SDCCAG8: variants seen among roughly 807,000 people sequenced by gnomAD.
The protein encoded by SDCCAG8 is SHH signaling and ciliogenesis regulator SDCCAG8, also known as serologically defined colon cancer antigen 8.
Under a neutral mutation model 101.8 loss-of-function variants are expected in SDCCAG8, and 74 were observed. The observed-to-expected ratio is 0.73, with a 90% confidence interval of 0.60 to 0.88. The LOEUF is 0.88. Ranked by LOEUF, SDCCAG8 falls within the 40% of genes least tolerant of loss-of-function variation. The pLI, the probability that SDCCAG8 is intolerant of heterozygous loss-of-function variation, is 0.00. For missense variants in SDCCAG8, 787 were observed against 822.6 expected, an observed-to-expected ratio of 0.96 and a Z score of 0.53; for synonymous variants, 281 against 292.9, an observed-to-expected ratio of 0.96 and a Z score of 0.41.
chr1:243,335,896 TTTTCTG>T (rs1391960995), intron 10 of SDCCAG8, among the ~76,000 whole-genome samples: 1 of 152,220 alleles, frequency 6.6e-6, no homozygotes, highest in African/African-American at 2.4e-5. Flanking sequence ...CAGTATTGGA[TTTTCTG>T]TTCCTGCGTT....
intron 9 of SDCCAG8, among the ~76,000 whole-genome samples, chr1:243,323,975 G>A (rs1463592996): frequency 6.6e-6 from 1 of 151,978 alleles, no homozygotes; most frequent in Non-Finnish European, 1.5e-5. Context: ...AAGTGTGGAC[G>A]TTCCTCAGAG....
At chr1:243,384,918 C>G (rs1259895739) in intron 13 of SDCCAG8, among the ~76,000 whole-genome samples, 1 of 152,196 alleles carries the variant, frequency 6.6e-6, no homozygotes, top group Admixed American at 6.5e-5. Flanking sequence ...ACAACTTCTT[C>G]TTTTTCCATA....
intron 12 of SDCCAG8, among the ~76,000 whole-genome samples, chr1:243,361,784 T>A (rs978491493): frequency 6.6e-6 from 1 of 152,240 alleles, no homozygotes; most frequent in African/African-American, 2.4e-5. Flanking sequence ...GTATACTCTG[T>A]TATTCTCTCA....
intron 4 of SDCCAG8, among the ~76,000 whole-genome samples, chr1:243,276,819 C>G (rs2068612586): frequency 1.3e-5 from 2 of 152,136 alleles, no homozygotes; most frequent in South Asian, 4.1e-4. Flanking sequence ...CCCCTTCCCT[C>G]CCATCCCCTG....
intron 13 of SDCCAG8, among the ~76,000 whole-genome samples, chr1:243,415,259 A>G (rs1030573384): frequency 3.3e-5 from 5 of 152,162 alleles, no homozygotes; most frequent in African/African-American, 1.2e-4. Flanking sequence ...CATTATATTT[A>G]AGATTCCATT....
intron 13 of SDCCAG8, among the ~76,000 whole-genome samples, chr1:243,403,659 G>T (rs537562551): frequency 2.0e-5 from 3 of 152,094 alleles, no homozygotes; most frequent in Non-Finnish European, 4.4e-5. Flanking sequence ...TTCCCATGGG[G>T]CGCTAACCGT....
At chr1:243,489,923 T>C (rs527391497) in intron 17 of SDCCAG8, among the ~76,000 whole-genome samples, 1 of 152,224 alleles carries the variant, frequency 6.6e-6, no homozygotes, top group Non-Finnish European at 1.5e-5. Context: ...CTAAATCGCT[T>C]CTCTTCCTGT....
At chr1:243,281,932 C>G (rs1351088750) in intron 4 of SDCCAG8, among the ~76,000 whole-genome samples, 1 of 152,136 alleles carries the variant, frequency 6.6e-6, no homozygotes, top group Non-Finnish European at 1.5e-5. Flanking sequence ...GAGGTGTGAG[C>G]CACTGCACCT....
chr1:243,411,190 T>C (rs2080148587), intron 13 of SDCCAG8, among the ~76,000 whole-genome samples: 1 of 152,192 alleles, frequency 6.6e-6, no homozygotes, highest in African/African-American at 2.4e-5. Context: ...TATGGCTCAC[T>C]GTAGCCTCAA....
At chr1:243,411,669 C>T (rs1383930577) in intron 13 of SDCCAG8, among the ~76,000 whole-genome samples, 1 of 152,124 alleles carries the variant, frequency 6.6e-6, no homozygotes, top group Non-Finnish European at 1.5e-5. Context: ...CTTGAATGGC[C>T]TGTGAATGAC....
chr1:243,365,165 T>C (rs774341548), intron 12 of SDCCAG8, among the ~76,000 whole-genome samples: 3 of 152,130 alleles, frequency 2.0e-5, no homozygotes, highest in Non-Finnish European at 4.4e-5. Context: ...AGCGAGTGGT[T>C]TAACTTCACT....
intron 12 of SDCCAG8, among the ~76,000 whole-genome samples, chr1:243,347,760 G>A (rs2075803902): frequency 6.6e-6 from 1 of 152,104 alleles, no homozygotes; most frequent in Admixed American, 6.5e-5. Flanking sequence ...AACATGACAA[G>A]GATGAGCTGA....
At chr1:243,321,376 C>T (rs970498440) in intron 9 of SDCCAG8, among the ~76,000 whole-genome samples, 3 of 145,926 alleles carry the variant, frequency 2.1e-5, no homozygotes, top group Non-Finnish European at 3.0e-5. Flanking sequence ...CCAGCCCATG[C>T]CCCCCTCTCT....
At chr1:243,441,105 T>G (rs1326766841) in intron 16 of SDCCAG8, among the ~76,000 whole-genome samples, 1 of 152,214 alleles carries the variant, frequency 6.6e-6, no homozygotes, top group Non-Finnish European at 1.5e-5. Flanking sequence ...AAAGGCATTT[T>G]GTATGAATAT....
chr1:243,453,875 A>G (rs1318244555), intron 16 of SDCCAG8, among the ~76,000 whole-genome samples: 1 of 152,222 alleles, frequency 6.6e-6, no homozygotes, highest in African/African-American at 2.4e-5. Context: ...TACAAAAGCC[A>G]ACCTGAGACC....
intron 16 of SDCCAG8, among the ~76,000 whole-genome samples, chr1:243,468,726 C>G (rs2994337): frequency 0.041 from 6,231 of 152,238 alleles, 463 homozygotes; most frequent in African/African-American, 0.14. Flanking sequence ...GCTGACAAAG[C>G]ATTTAGTACA....
At chr1:243,342,211 A>C (rs1189147678) in intron 11 of SDCCAG8, among the ~76,000 whole-genome samples, 1 of 152,250 alleles carries the variant, frequency 6.6e-6, no homozygotes, top group Non-Finnish European at 1.5e-5. Flanking sequence ...GGTGAAAGCT[A>C]TGATAAGACA....
intron 16 of SDCCAG8, among the ~76,000 whole-genome samples, chr1:243,433,937 C>T (rs894647440): frequency 9.9e-5 from 15 of 152,204 alleles, no homozygotes; most frequent in Admixed American, 3.3e-4. Flanking sequence ...CCTCCACACC[C>T]GGCAGAGCTT....
At chr1:243,418,606 C>G (rs1169708055) in intron 15 of SDCCAG8, among the ~76,000 whole-genome samples, 1 of 152,166 alleles carries the variant, frequency 6.6e-6, no homozygotes, top group Non-Finnish European at 1.5e-5. Context: ...GCATACTACT[C>G]TTTTATAAAT....
Sources: allele counts gnomAD v4.1 joint callset (sites outside exome capture counted in the v4.1 genomes callset), GRCh38; gene constraint gnomAD v4.1.1; transcripts MANE v1.5; gene names NCBI Gene and HGNC (gene_info 2026-07-23, HGNC 2026-07-21).